Variants in ZNF804A observed in about 807,000 individuals in gnomAD.
ZNF804A encodes zinc finger protein 804A.
A neutral mutation model predicts 16.5 loss-of-function variants in ZNF804A; 2 were observed. The ratio of observed to expected loss-of-function variants is 0.12; its 90% CI spans 0.05 to 0.38. The LOEUF is 0.38. Ranked by LOEUF, ZNF804A falls within the 10% of genes least tolerant of loss-of-function variation. The pLI is 0.99. For synonymous variants in ZNF804A, 534 were observed against 489.6 expected, an observed-to-expected ratio of 1.09 and a Z score of -1.20; for missense variants, 1,473 against 1,390.7, an observed-to-expected ratio of 1.06 and a Z score of -0.94.
At chr2:184,934,511 C>A (rs1226876016) in intron 3 of ZNF804A, among the ~76,000 whole-genome samples, 2 of 152,018 alleles carry the variant, frequency 1.3e-5, no homozygotes, top group African/African-American at 4.8e-5. Context: ...TTTGTAAAAA[C>A]CAAAATAAAA....
chr2:184,886,034 G>C (rs569590404), intron 2 of ZNF804A, among the ~76,000 whole-genome samples: 6 of 152,118 alleles, frequency 3.9e-5, no homozygotes, highest in Non-Finnish European at 8.8e-5. Context: ...ACAGTCCAAA[G>C]TCTCAACTGA....
intron 2 of ZNF804A, among the ~76,000 whole-genome samples, chr2:184,869,954 G>C (rs185743708): frequency 6.6e-6 from 1 of 152,068 alleles, no homozygotes; most frequent in Non-Finnish European, 1.5e-5. Context: ...AAGAAATACA[G>C]GGGTACAGAT....
intron 1 of ZNF804A, among the ~76,000 whole-genome samples, chr2:184,688,446 C>A (rs561553645): frequency 6.6e-6 from 1 of 150,906 alleles, no homozygotes; most frequent in Non-Finnish European, 1.5e-5. Context: ...AAGAATAAAC[C>A]TAAAAATTTT....
intron 1 of ZNF804A, among the ~76,000 whole-genome samples, chr2:184,717,332 CT>C (rs1009292686): frequency 3.9e-5 from 6 of 152,014 alleles, no homozygotes; most frequent in Middle Eastern, 3.4e-3. Context: ...TCTCCAGATT[CT>C]TTTTTTTAGA....
intron 1 of ZNF804A, among the ~76,000 whole-genome samples, chr2:184,681,366 C>T (rs1277096817): frequency 6.6e-6 from 1 of 152,038 alleles, no homozygotes; most frequent in African/African-American, 2.4e-5. Context: ...AAAGACAGCC[C>T]CAATGATGCT....
At chr2:184,850,709 AAG>A (rs1228714420) in intron 1 of ZNF804A, among the ~76,000 whole-genome samples, 1 of 151,564 alleles carries the variant, frequency 6.6e-6, no homozygotes, top group Non-Finnish European at 1.5e-5. Context: ...AGCAGTAGGG[AAG>A]AGAGAGAGAG....
At chr2:184,723,674 A>C (rs1236626766) in intron 1 of ZNF804A, among the ~76,000 whole-genome samples, 1 of 151,686 alleles carries the variant, frequency 6.6e-6, no homozygotes, top group East Asian at 1.9e-4. Context: ...GTATTGGCTT[A>C]TTGCTTTCAG....
intron 2 of ZNF804A, among the ~76,000 whole-genome samples, chr2:184,873,067 ATAGAG>A (rs1232439181): frequency 4.6e-5 from 7 of 152,252 alleles, no homozygotes; most frequent in Admixed American, 1.3e-4. Context: ...TCTTTTCTTC[ATAGAG>A]TAAACAAACA....
intron 1 of ZNF804A, among the ~76,000 whole-genome samples, chr2:184,745,898 A>G (rs1225921321): frequency 1.3e-5 from 2 of 151,646 alleles, no homozygotes; most frequent in East Asian, 3.9e-4. Context: ...AAAATATCAA[A>G]TAGTGTATGA....
chr2:184,799,844 A>G (rs557267350), intron 1 of ZNF804A, among the ~76,000 whole-genome samples: 1 of 152,280 alleles, frequency 6.6e-6, no homozygotes, highest in African/African-American at 2.4e-5. Context: ...GCAGTTAGCC[A>G]GCAATTGTTT....
intron 1 of ZNF804A, among the ~76,000 whole-genome samples, chr2:184,618,685 GA>G (rs1226581531): frequency 2.6e-5 from 4 of 151,990 alleles, no homozygotes; most frequent in Middle Eastern, 3.4e-3. Context: ...TCCTAGTTCT[GA>G]AACCTTCTAT....
intron 1 of ZNF804A, among the ~76,000 whole-genome samples, chr2:184,751,172 AT>A (rs201861928): frequency 2.0e-5 from 3 of 151,196 alleles, no homozygotes; most frequent in African/African-American, 7.3e-5. Context: ...CCAGATTTCA[AT>A]TTTTTTTGGA....
intron 1 of ZNF804A, among the ~76,000 whole-genome samples, chr2:184,828,935 A>G (rs995961672): frequency 1.3e-5 from 2 of 151,912 alleles, no homozygotes; most frequent in Admixed American, 6.6e-5. Context: ...AATTTTATCA[A>G]TTGTATACAT....
intron 1 of ZNF804A, among the ~76,000 whole-genome samples, chr2:184,736,339 T>C (rs531453357): frequency 6.6e-6 from 1 of 152,316 alleles, no homozygotes; most frequent in South Asian, 2.1e-4. Context: ...GACCATTATT[T>C]TATTAAAATA....
intron 1 of ZNF804A, among the ~76,000 whole-genome samples, chr2:184,653,303 T>A (rs1184440444): frequency 6.6e-6 from 1 of 152,142 alleles, no homozygotes; most frequent in Non-Finnish European, 1.5e-5. Flanking sequence ...ATGTCTACAT[T>A]TTACTTCCAT....
intron 2 of ZNF804A, among the ~76,000 whole-genome samples, chr2:184,885,108 T>C (rs1012436913): frequency 1.3e-5 from 2 of 151,796 alleles, no homozygotes; most frequent in African/African-American, 2.4e-5. Context: ...TGAACATCAC[T>C]AATCATTAGA....
At chr2:184,628,381 G>T (rs188204569) in intron 1 of ZNF804A, among the ~76,000 whole-genome samples, 284 of 152,020 alleles carry the variant, frequency 1.9e-3, no homozygotes, top group African/African-American at 6.4e-3. Flanking sequence ...AATATTAAAA[G>T]AAATATTTAT....
At chr2:184,760,915 A>G (rs1014159704) in intron 1 of ZNF804A, among the ~76,000 whole-genome samples, 1 of 152,132 alleles carries the variant, frequency 6.6e-6, no homozygotes, top group Non-Finnish European at 1.5e-5. Flanking sequence ...CTAATCTGTA[A>G]AAGGTTTAAT....
At chr2:184,627,992 A>G (rs1312062449) in intron 1 of ZNF804A, among the ~76,000 whole-genome samples, 2 of 152,186 alleles carry the variant, frequency 1.3e-5, no homozygotes, top group African/African-American at 4.8e-5. Context: ...TGGGAACAAA[A>G]GAACAAAATT....
Sources: gnomAD v4.1 joint callset for allele counts (sites outside exome capture counted in the v4.1 genomes callset) on GRCh38, gnomAD v4.1.1 for gene constraint, MANE v1.5 for transcripts, NCBI Gene and HGNC (gene_info 2026-07-23, HGNC 2026-07-21) for gene names.